The following CSMD1 variants were observed in gnomAD, a reference collection of about 807,000 sequenced individuals.
The protein encoded by CSMD1 is CUB and sushi domain-containing protein 1.
In CSMD1, 213 loss-of-function variants were observed where a neutral mutation model predicts 417.5. The observed-to-expected ratio is 0.51, with a 90% CI of 0.46 to 0.57. CSMD1 has a LOEUF of 0.57. Ranked by LOEUF, CSMD1 falls within the 20% of genes least tolerant of loss-of-function variation. The probability of loss-of-function intolerance (pLI) is 0.00; values close to 1 mark genes in which losing one functional copy is unlikely to be tolerated. For missense variants in CSMD1, 6,923 were observed against 4,529.7 expected, an observed-to-expected ratio of 1.53 and a Z score of -15.17; for synonymous variants, 2,862 against 1,736.8, an observed-to-expected ratio of 1.65 and a Z score of -16.11.
At chr8:4,812,857 G>A (rs977757416) in intron 1 of CSMD1, among the ~76,000 whole-genome samples, 25 of 152,206 alleles carry the variant, frequency 1.6e-4, no homozygotes, top group African/African-American at 5.8e-4. Context: ...TTATTGATAT[G>A]TTATCGCTAT....
At chr8:3,439,309 A>ATTTTTTTTTTTT (rs1554552766) in intron 12 of CSMD1, among the ~76,000 whole-genome samples, 1 of 62,482 alleles carries the variant, frequency 1.6e-5, no homozygotes, top group African/African-American at 6.7e-5. Flanking sequence ...ATATATATAT[A>ATTTTTTTTTTTT]TTTTTTTTTT....
intron 41 of CSMD1, among the ~76,000 whole-genome samples, chr8:3,135,869 G>A (rs1350677558): frequency 9.2e-5 from 14 of 152,148 alleles, no homozygotes; most frequent in Admixed American, 7.9e-4. Context: ...GCTGAGCAGG[G>A]TATGGTTAGA....
At chr8:3,655,135 T>A (rs1353510993) in intron 7 of CSMD1, among the ~76,000 whole-genome samples, 2 of 152,228 alleles carry the variant, frequency 1.3e-5, no homozygotes, top group East Asian at 3.8e-4. Flanking sequence ...AAGCTTTAGC[T>A]ATAGAGCTAA....
rs1817017022 is a variant in CSMD1 at position 3,470,365 on chromosome 8, T to C, written c.1449-1541A>G. 5.9e-5 allele frequency among the ~76,000 whole-genome samples: 9 copies of C among 152,330 alleles called. No homozygotes were observed. The South Asian group carries it at 1.9e-3, about 32-fold the overall frequency. On this transcript the variant is annotated intron_variant, in intron 11 of 69. Coordinates refer to ENST00000635120, the MANE Select transcript of CSMD1 (RefSeq NM_033225.6). ...ATTCTTGAAATTTTTATTAAGATAA[T>C]TGTGGATACACATGTGGTAGGTAGT...
rs1045257361 is a variant in CSMD1 at position 4,676,997 on chromosome 8, T to C, written c.86-39439A>G. ...ATATATTATATATTTTATATATATA[T>C]AAAATTTTATATAGAATTTTACATA... is the stretch of plus-strand genomic sequence containing the variant. On this transcript the variant is annotated intron_variant, in intron 1 of 69. Transcript: ENST00000635120. Among the ~76,000 whole-genome samples the C allele has an allele frequency of 9.7e-5, 14 of 144,720 alleles. 1 individual carries two copies. Among genetic ancestry groups the C allele is most frequent in the Non-Finnish European group, 1.2e-4 (8 of 65,920 alleles). The allele number at this position is 144,720 out of a possible 152,430, so 94.9% of individuals were successfully genotyped here.
chr8:4,855,689 T>A (rs548307938), intron 1 of CSMD1, among the ~76,000 whole-genome samples: 3 of 151,620 alleles, frequency 2.0e-5, no homozygotes, highest in Non-Finnish European at 4.4e-5. Flanking sequence ...ATGAATGAAA[T>A]GAAGCGAGAA....
Position 4,332,995 on chromosome 8 carries a change from A to G in CSMD1, c.415+86958T>C, listed in dbSNP as rs143488807. Among the ~76,000 whole-genome samples, 440 of 151,748 alleles carry G rather than the reference A, an allele frequency of 2.9e-3. 5 individuals carry two copies. Among genetic ancestry groups the G allele is most frequent in the African/African-American group, 0.01 (423 of 41,294 alleles). On this transcript the variant is annotated intron_variant, in intron 3 of 69. Coordinates refer to ENST00000635120, the MANE Select transcript of CSMD1 (RefSeq NM_033225.6). ...CCTTCAGTTTTGAGGTAAACGTCAT[A>G]TGAAAGAGCCTAGCAACAATGTATT...
intron 52 of CSMD1, among the ~76,000 whole-genome samples, chr8:3,009,522 T>A (rs1186173182): frequency 6.6e-6 from 1 of 152,200 alleles, no homozygotes; most frequent in East Asian, 1.9e-4. Flanking sequence ...TCATAAAATG[T>A]CAGGTGCATC....
At chr8:4,897,795 T>C (rs1462804367) in intron 1 of CSMD1, among the ~76,000 whole-genome samples, 1 of 152,126 alleles carries the variant, frequency 6.6e-6, no homozygotes, top group African/African-American at 2.4e-5. Context: ...TGCCAGTAGA[T>C]GATACAGAAG....
At chr8:4,531,229 A>C (rs1322613489) in intron 2 of CSMD1, among the ~76,000 whole-genome samples, 1 of 152,170 alleles carries the variant, frequency 6.6e-6, no homozygotes, top group Non-Finnish European at 1.5e-5. Flanking sequence ...TTTTAGCCAC[A>C]CTGATAGATG....
chr8:3,284,845 T>C (rs1328458647), intron 25 of CSMD1, among the ~76,000 whole-genome samples: 2 of 152,220 alleles, frequency 1.3e-5, no homozygotes, highest in African/African-American at 4.8e-5. Context: ...TCTGCTCTTG[T>C]GTTGTACTTC....
At chr8:3,757,073 G>A (rs184843997) in intron 5 of CSMD1, among the ~76,000 whole-genome samples, 1 of 152,126 alleles carries the variant, frequency 6.6e-6, no homozygotes, top group East Asian at 1.9e-4. Flanking sequence ...AGAGTGCTGG[G>A]ATTACAGGCG....
rs534225504 is a variant in CSMD1, at chr8:3,481,551, T to G, written c.1448+12072A>C. Among the ~76,000 whole-genome samples, 8 of 152,298 alleles carry G rather than the reference T, an allele frequency of 5.3e-5. No homozygotes were observed. The South Asian group carries it at 1.7e-3, about 32-fold the overall frequency. ...CTCTCACTCTAATCCCTCAAATCTG[T>G]GAAACTTACTTTTCAGATGAAAGAT... is the stretch of plus-strand genomic sequence containing the variant. On this transcript the variant is annotated intron_variant, in intron 11 of 69. Coordinates refer to ENST00000635120, the MANE Select transcript of CSMD1 (RefSeq NM_033225.6).
intron 5 of CSMD1, among the ~76,000 whole-genome samples, chr8:3,936,213 A>T (rs944270105): frequency 4.0e-5 from 6 of 151,628 alleles, no homozygotes; most frequent in Non-Finnish European, 7.4e-5. Flanking sequence ...TCTGCGTAAC[A>T]TAAAAGGGCA....
chr8:3,421,535 T>C (rs1813488376), intron 12 of CSMD1, among the ~76,000 whole-genome samples: 2 of 152,250 alleles, frequency 1.3e-5, no homozygotes, highest in African/African-American at 4.8e-5. Context: ...TTGTAGACTT[T>C]AGTAACATCA....
intron 5 of CSMD1, among the ~76,000 whole-genome samples, chr8:3,905,788 ACCAC>A (rs1241024015): frequency 1.3e-5 from 2 of 152,160 alleles, no homozygotes; most frequent in African/African-American, 4.8e-5. Context: ...AGAATTCTTC[ACCAC>A]CCTCTACTGT....
chr8:3,358,367 G>C (rs950738188), intron 21 of CSMD1, among the ~76,000 whole-genome samples: 1 of 152,168 alleles, frequency 6.6e-6, no homozygotes, highest in Admixed American at 6.5e-5. Context: ...CAACATGGCT[G>C]GGTGGCAGGA....
intron 5 of CSMD1, among the ~76,000 whole-genome samples, chr8:3,817,947 G>A (rs73172253): frequency 2.0e-5 from 3 of 152,230 alleles, no homozygotes; most frequent in Non-Finnish European, 4.4e-5. Flanking sequence ...TTAGCTAAGT[G>A]GATTCTTTTG....
intron 5 of CSMD1, among the ~76,000 whole-genome samples, chr8:3,961,864 G>T (rs199706703): frequency 6.6e-6 from 1 of 152,100 alleles, no homozygotes; most frequent in Non-Finnish European, 1.5e-5. Flanking sequence ...TGTCCCTTTA[G>T]TCCTAAAACA....
Sources: allele counts gnomAD v4.1 joint callset (sites outside exome capture counted in the v4.1 genomes callset), GRCh38; gene constraint gnomAD v4.1.1; transcripts MANE v1.5; gene names NCBI Gene and HGNC (gene_info 2026-07-23, HGNC 2026-07-21).